The following SMC2 variants were observed in gnomAD, a reference collection of about 807,000 sequenced individuals.
SMC2 encodes the protein structural maintenance of chromosomes 2.
SMC2 carries 41 observed loss-of-function variants against 142.6 expected under a neutral mutation model. The ratio of observed to expected loss-of-function variants is 0.29; its 90% CI spans 0.22 to 0.37. The LOEUF is 0.37. Ranked by LOEUF, SMC2 falls within the 10% of genes least tolerant of loss-of-function variation. The pLI is 1.00. For missense variants in SMC2, 1,265 were observed against 1,373.7 expected, an observed-to-expected ratio of 0.92 and a Z score of 1.25; for synonymous variants, 463 against 457.5, an observed-to-expected ratio of 1.01 and a Z score of -0.15.
intron 9 of SMC2, among the ~76,000 whole-genome samples, chr9:104,110,404 C>CT (rs1251555253): frequency 2.0e-5 from 3 of 152,146 alleles, no homozygotes; most frequent in African/African-American, 7.2e-5. Context: ...CTTTTAATAT[C>CT]TTTTTTCTAG....
upstream of SMC2, among the ~76,000 whole-genome samples, chr9:104,091,715 G>C (rs1041664844): frequency 1.3e-5 from 2 of 152,056 alleles, no homozygotes; most frequent in African/African-American, 4.8e-5. Flanking sequence ...GATTCACTCG[G>C]GTCCCTGTGA....
At chr9:104,104,857 A>G (rs989084495) in intron 9 of SMC2, among the ~76,000 whole-genome samples, 1 of 152,196 alleles carries the variant, frequency 6.6e-6, no homozygotes, top group African/African-American at 2.4e-5. Context: ...GCCAGAATAC[A>G]TTTCACTGTG....
At chr9:104,132,166 A>G in intron 22 of SMC2, 41 bp downstream of exon 22, 1 of 1,025,440 alleles carries the variant, frequency 9.8e-7, no homozygotes, top group Non-Finnish European at 1.5e-6. Context: ...GCAAGGATGA[A>G]AAAATATCAT....
chr9:104,115,314 C>T (rs919153495), intron 13 of SMC2, among the ~76,000 whole-genome samples: 16 of 151,806 alleles, frequency 1.1e-4, no homozygotes, highest in Middle Eastern at 6.8e-3. Flanking sequence ...GTGGCTCACA[C>T]CTGTAATCCC....
chr9:104,114,777 C>T lies in SMC2; in HGVS notation c.1619C>T (p.Ala540Val). ...GTGAAAGACACTTCTGCAACCACAGCTTTAGAATTAGTGGCTGGAGAACGA... is the reference window on the plus strand; with the variant it reads ...GTGAAAGACACTTCTGCAACCACAGTTTTAGAATTAGTGGCTGGAGAACGA... The part of the protein sequence containing the change: ...ISVKDTSATT[A>V]LELVAGERLY... The change falls in exon 13 of 25, where the codon GCT becomes GTT. Residue 540 changes from alanine (A) to valine (V), a missense_variant. Around this residue, in one of 4 missense-constraint regions of SMC2, gnomAD observed 898 missense variants for 904.2 expected, o/e 0.99. Transcript: ENST00000374793. 6.2e-7 allele frequency: 1 copy of T among 1,612,926 alleles called. No individual in the cohort carries two copies.
intron 9 of SMC2, among the ~76,000 whole-genome samples, chr9:104,103,777 C>T (rs1243575106): frequency 6.6e-6 from 1 of 151,136 alleles, no homozygotes; most frequent in Non-Finnish European, 1.5e-5. Context: ...TTATACTGCC[C>T]TGTTAGATAT....
At chr9:104,116,458 A>T in intron 14 of SMC2, 139 bp downstream of exon 14, 1 of 675,464 alleles carries the variant, frequency 1.5e-6, no homozygotes, top group Non-Finnish European at 2.3e-6. Flanking sequence ...GGCTTGTGCA[A>T]TTAGATGATA....
At chr9:104,097,187 C>T (rs1830536829) in intron 3 of SMC2, among the ~76,000 whole-genome samples, 1 of 144,158 alleles carries the variant, frequency 6.9e-6, no homozygotes, top group African/African-American at 2.5e-5. Flanking sequence ...GTCTCCATCT[C>T]CCGGGTTCAA....
At chr9:104,135,179 A>T (rs1418832982) in intron 23 of SMC2, among the ~76,000 whole-genome samples, 2 of 141,168 alleles carry the variant, frequency 1.4e-5, no homozygotes, top group East Asian at 3.9e-4. Context: ...TAAAGAGAAA[A>T]ATTAGTGAGT....
At chr9:104,119,925 A>G (rs978707494) in intron 15 of SMC2, 102 bp from the exon 16 acceptor site, 1 of 1,094,590 alleles carries the variant, frequency 9.1e-7, no homozygotes, top group Admixed American at 2.3e-5. Context: ...TAAAATATTT[A>G]CTATTGAATC....
intron 23 of SMC2, chr9:104,135,966 G>A: frequency 1.9e-6 from 1 of 515,998 alleles, no homozygotes; most frequent in South Asian, 1.4e-5. Flanking sequence ...GGAAAGAAGA[G>A]TGTTGGAAAC....
At chr9:104,105,445 C>T (rs1450287303) in intron 9 of SMC2, among the ~76,000 whole-genome samples, 1 of 152,118 alleles carries the variant, frequency 6.6e-6, no homozygotes. Flanking sequence ...TTTTACTATT[C>T]AGTGACCCCA....
upstream of SMC2, among the ~76,000 whole-genome samples, chr9:104,091,154 G>T (rs920793268): frequency 6.6e-6 from 1 of 152,188 alleles, no homozygotes; most frequent in African/African-American, 2.4e-5. Context: ...ACAGTCATGC[G>T]TTGCCTAACG....
chr9:104,121,761 G>GAGAT (rs139127129), intron 16 of SMC2, among the ~76,000 whole-genome samples: 8,606 of 152,120 alleles, frequency 0.057, 645 homozygotes, highest in African/African-American at 0.18. Context: ...TGGCCATTCA[G>GAGAT]AGATATAAAT....
chr9:104,088,593 T>C, the SMC2 span, among the ~76,000 whole-genome samples: 1 of 152,118 alleles, frequency 6.6e-6, no homozygotes, highest in Admixed American at 6.5e-5. Flanking sequence ...TGAACACTAA[T>C]GCTTCAGGAA....
rs140778945 is a variant in SMC2 at position 104,139,252 on chromosome 9, A to G, written c.3531A>G (p.Gly1177=). 234 of 1,601,728 alleles carry G rather than the reference A, an allele frequency of 1.5e-4. 3 individuals are homozygous for G. The South Asian group carries it at 2.1e-3, about 14-fold the overall frequency. Residue 1177 remains glycine, a synonymous_variant, in exon 25 of 25, where the codon GGA becomes GGG. Coordinates refer to ENST00000374793, the MANE Select transcript of SMC2 (RefSeq NM_006444.3). ...CCAGATTTACTCAATGTCAAAATGG[A>G]AAGATTTCAAAGGAAGCAAAATCCA... is the stretch of plus-strand genomic sequence containing the variant. The part of the protein sequence containing the change: ...TVARFTQCQN[G]KISKEAKSKA...
In SMC2 at chr9:104,141,089, G is replaced by A. The variant is rs979227390; in HGVS notation, c.*1774G>A. On this transcript the variant is annotated 3_prime_UTR_variant, in exon 25 of 25. Coordinates refer to ENST00000374793, the MANE Select transcript of SMC2 (RefSeq NM_006444.3). ...GAGGGAAGACATTAAGGGGATTGGGGACATTTGTTTCACACATCTGCAGTA... is the reference window on the plus strand; with the variant it reads ...GAGGGAAGACATTAAGGGGATTGGGAACATTTGTTTCACACATCTGCAGTA... 4 of 152,094 alleles carry A rather than the reference G, an allele frequency of 2.6e-5. No individual in the cohort carries two copies. The highest frequency in any genetic ancestry group is 5.9e-5 in the Non-Finnish European group (4 of 68,012). 9.4% of individuals were successfully genotyped at this position (152,094 alleles called of 1,614,324 possible).
intron 16 of SMC2, among the ~76,000 whole-genome samples, chr9:104,122,403 T>A (rs1833834405): frequency 6.6e-6 from 1 of 152,194 alleles, no homozygotes; most frequent in Non-Finnish European, 1.5e-5. Context: ...AAATTATTGT[T>A]TTAAGTACTG....
In SMC2 at chr9:104,140,732, G is replaced by A. The variant is rs913525489; in HGVS notation, c.*1417G>A. 11 of 152,402 alleles carry A rather than the reference G, an allele frequency of 7.2e-5. No homozygotes were observed. The highest frequency in any genetic ancestry group is 1.5e-4 in the Non-Finnish European group (10 of 67,984). The allele number at this position is 152,402 out of a possible 1,614,324, so 9.4% of individuals were successfully genotyped here. ...GTCCAATGTCAAATATAGTTTTTTT[G>A]TTTCCTTTCAAATGTATTACAGACT... On this transcript the variant is annotated 3_prime_UTR_variant, in exon 25 of 25. Coordinates refer to ENST00000374793, the MANE Select transcript of SMC2 (RefSeq NM_006444.3).
Sources: allele counts gnomAD v4.1 joint callset (sites outside exome capture counted in the v4.1 genomes callset), GRCh38; gene constraint gnomAD v4.1.1; regional missense constraint gnomAD v4.1.1; transcripts MANE v1.5; gene names NCBI Gene and HGNC (gene_info 2026-07-23, HGNC 2026-07-21).